The following CIT variants were observed in gnomAD, a reference collection of about 807,000 sequenced individuals.
CIT encodes citron Rho-interacting kinase.
A neutral mutation model predicts 272.7 loss-of-function variants in CIT; 79 were observed. The ratio of observed to expected loss-of-function variants is 0.29; its 90% CI spans 0.24 to 0.35. CIT has a LOEUF of 0.35. Ranked by LOEUF, CIT falls within the 10% of genes least tolerant of loss-of-function variation. The probability of loss-of-function intolerance (pLI) is 1.00; values close to 1 mark genes in which losing one functional copy is unlikely to be tolerated. For synonymous variants in CIT, 948 were observed against 995.6 expected (o/e 0.95, Z 0.90); for missense variants, 1,909 against 2,618.3 (o/e 0.73, Z 5.91).
chr12:119,734,468 ATG>A, intron 25 of CIT, 111 bp from the exon 26 acceptor site: 1 of 1,185,718 alleles, frequency 8.4e-7, no homozygotes, highest in Non-Finnish European at 1.2e-6. Flanking sequence ...ACAGTTTGAA[ATG>A]CGGTTTGTCT....
chr12:119,800,465 C>T (rs1166166177), intron 10 of CIT, among the ~76,000 whole-genome samples: 4 of 152,324 alleles, frequency 2.6e-5, no homozygotes, highest in East Asian at 3.9e-4. Flanking sequence ...TCCCAAAAAA[C>T]GAGGAGCTAT....
In CIT at chr12:119,694,697, G is replaced by A. The variant is rs889926220; in HGVS notation, c.5882+2962C>T. Among the ~76,000 whole-genome samples, 5 of 152,016 alleles carry A rather than the reference G, an allele frequency of 3.3e-5. No homozygotes were observed. The highest frequency in any genetic ancestry group is 5.9e-5 in the Non-Finnish European group (4 of 68,016). ...CGGGCGCCTGTAGTCCCAGCTACTC[G>A]GGGGGAGGCTGAAGTCGGGGGCTCT... On this transcript the variant is annotated intron_variant, in intron 46 of 47. Transcript: ENST00000392521. The surrounding 1 kb of genome is among the most constrained non-coding windows in gnomAD (Gnocchi z 4.5).
Position 119,730,508 on chromosome 12 carries a change from C to T in CIT, c.3473G>A (p.Ser1158Asn), listed in dbSNP as rs1958378070. 1 of 1,613,186 alleles carries T rather than the reference C, an allele frequency of 6.2e-7. No homozygotes were observed. The highest frequency in any genetic ancestry group is 8.5e-7 in the Non-Finnish European group (1 of 1,179,212). ...GTGGGCGCTGACCTTGTCAGAGAGG[C>T]TCTCGGCCTTCAGCTTCTGCTCTTT... The part of the protein sequence containing the change: ...ALKEQKLKAE[S>N]LSDKLNDLEK... Residue 1158 changes from serine (S) to asparagine (N), a missense_variant, in exon 27 of 48, where the codon AGC becomes AAC. Transcript: ENST00000392521.
chr12:119,746,044 G>A (rs943042148), intron 23 of CIT, among the ~76,000 whole-genome samples: 1 of 152,012 alleles, frequency 6.6e-6, no homozygotes, highest in African/African-American at 2.4e-5. Context: ...TAAGACTGTG[G>A]CTATCTGCAC....
chr12:119,869,061 C>T lies in CIT; in HGVS notation c.237G>A (p.Lys79=), dbSNP rs778717178. The change falls in exon 3 of 48, where the codon AAG becomes AAA. Residue 79 remains lysine (K), a splice_region_variant and synonymous_variant. Coordinates refer to ENST00000392521, the MANE Select transcript of CIT (RefSeq NM_001206999.2). ...CAAGAAAAAGTTCCCCAAACTTACA[C>T]TTCCGGACAAAGTTGCTCACGTGCT... ...KIKHVSNFVR[K]YSDTIAELQE... The T allele has an allele frequency of 6.2e-7, 1 of 1,609,994 alleles. No homozygotes were observed. The highest frequency in any genetic ancestry group is 1.7e-5 in the Admixed American group (1 of 58,158).
At chr12:119,812,039 G>A (rs187721770) in intron 9 of CIT, among the ~76,000 whole-genome samples, 11 of 149,184 alleles carry the variant, frequency 7.4e-5, no homozygotes, top group Non-Finnish European at 1.0e-4. Flanking sequence ...TCCACCTCCC[G>A]GGTTCAAGGA....
At chr12:119,791,322 A>G (rs1417171445) in intron 10 of CIT, among the ~76,000 whole-genome samples, 2 of 152,188 alleles carry the variant, frequency 1.3e-5, no homozygotes, top group African/African-American at 4.8e-5. Context: ...ATTCAGTGCT[A>G]AGAAGCTGAC....
At chr12:119,811,523 A>G (rs563975908) in intron 9 of CIT, among the ~76,000 whole-genome samples, 59 of 152,326 alleles carry the variant, frequency 3.9e-4, no homozygotes, top group African/African-American at 1.2e-3. Flanking sequence ...CCATCAATCA[A>G]TCTAAACAAT....
chr12:119,713,221 C>T lies in CIT; in HGVS notation c.4561G>A (p.Asp1521Asn), dbSNP rs1422584416. The T allele has an allele frequency of 6.2e-7, 1 of 1,613,818 alleles. No individual in the cohort carries two copies. ...AATTTACCTTCTCTGGCTTCATTGT[C>T]ATAAATGAGGACTTTTGATCCCTCC... ...VLEGSKVLIY[D>N]NEAREAGQRP... is the part of the protein sequence containing the mutation. The change falls in exon 35 of 48, where the codon GAC (aspartate) becomes AAC (asparagine). Residue 1521 changes from aspartate (D) to asparagine (N), a missense_variant. Physicochemically the swap from Asp to Asn is conservative, Grantham distance 23. This residue lies in a region of CIT where 780 missense variants were observed against 1,067.2 expected (regional missense o/e 0.73). Coordinates refer to ENST00000392521, the MANE Select transcript of CIT (RefSeq NM_001206999.2). This position sits in a 1 kb window ranked among gnomAD's most constrained non-coding sequence, Gnocchi z 5.2.
intron 43 of CIT, among the ~76,000 whole-genome samples, 176 bp downstream of exon 43, chr12:119,701,448 T>C (rs186403446): frequency 2.6e-3 from 402 of 152,270 alleles, no homozygotes; most frequent in Non-Finnish European, 4.3e-3. Flanking sequence ...ACCACGCTAG[T>C]ATCTGGTGAT....
chr12:119,813,879 T>A (rs1395226438), intron 9 of CIT, among the ~76,000 whole-genome samples: 1 of 152,154 alleles, frequency 6.6e-6, no homozygotes, highest in Non-Finnish European at 1.5e-5. Context: ...CAGGGCTCAG[T>A]ATTCAGAAAA....
rs1465444840 is a variant in CIT at position 119,710,119 on chromosome 12, C to T, written c.5071+132G>A. ...GGTCCATTAGCTGAGGCTTGGGCAT[C>T]TATGGGGACACAGAGATAAGAGCTA... is the stretch of plus-strand genomic sequence containing the variant. On this transcript the variant is annotated intron_variant, in intron 39 of 47. Transcript: ENST00000392521. The surrounding 1 kb of genome is among the most constrained non-coding windows in gnomAD (Gnocchi z 5.6). The T allele has an allele frequency of 1.0e-6, 1 of 995,582 alleles. No individual in the cohort carries two copies. The highest frequency in any genetic ancestry group is 2.4e-5 in the East Asian group (1 of 41,866). The allele number at this position is 995,582 out of a possible 1,614,324, so 61.7% of individuals were successfully genotyped here. A position where few individuals can be genotyped will look rare whatever the true frequency, so the allele number is the denominator to read the frequency against.
chr12:119,823,506 T>C (rs1184695895), intron 8 of CIT, among the ~76,000 whole-genome samples: 1 of 152,146 alleles, frequency 6.6e-6, no homozygotes, highest in Non-Finnish European at 1.5e-5. Flanking sequence ...GCACTCGTTA[T>C]TGAATGATTG....
chr12:119,733,451 T>A (rs1224804759), intron 26 of CIT, among the ~76,000 whole-genome samples: 2 of 146,942 alleles, frequency 1.4e-5, no homozygotes, highest in Admixed American at 1.4e-4. Context: ...GGAGAATTCC[T>A]CCCACCCTGG....
chr12:119,729,786 T>C lies in CIT; in HGVS notation c.3486+709A>G, dbSNP rs546393360. On this transcript the variant is annotated intron_variant, in intron 27 of 47. Coordinates refer to ENST00000392521, the MANE Select transcript of CIT (RefSeq NM_001206999.2). Reference sequence around the variant, plus strand: ...CATGAAATAACAAAGTTATAGAAAATATAAAATCAGATCGTTATTTTATTT... The same window carrying C: ...CATGAAATAACAAAGTTATAGAAAACATAAAATCAGATCGTTATTTTATTT... 7.9e-5 allele frequency among the ~76,000 whole-genome samples: 12 copies of C among 152,312 alleles called. No homozygotes were observed. The East Asian group carries it at 2.3e-3, about 29-fold the overall frequency.
At chr12:119,776,209 C>T in intron 15 of CIT, 149 bp downstream of exon 15, 1 of 710,600 alleles carries the variant, frequency 1.4e-6, no homozygotes, top group Non-Finnish European at 2.5e-6. Context: ...ATGTGGTCAC[C>T]CAAAGGTGGA....
rs1257504203 is a variant in CIT, at chr12:119,734,125, G to A, written c.3350+39C>T. The A allele has an allele frequency of 1.9e-6, 3 of 1,602,026 alleles. No individual in the cohort carries two copies. In the African/African-American group the frequency reaches 4.0e-5, roughly 22 times the overall value. The stretch of plus-strand genomic sequence containing the variant: ...CAACTCTCAGGCCGATCCTCCTGCG[G>A]TCACCTGTCATGAGCTTTCCACAAA... On this transcript the variant is annotated intron_variant, in intron 26 of 47. Transcript: ENST00000392521.
At chr12:119,688,898 C>T (rs534641540) in intron 47 of CIT, among the ~76,000 whole-genome samples, 8 of 152,206 alleles carry the variant, frequency 5.3e-5, no homozygotes, top group Admixed American at 2.6e-4. Context: ...TGGTGACTCA[C>T]GCCTGTAATC....
intron 3 of CIT, among the ~76,000 whole-genome samples, chr12:119,859,906 C>T (rs1037595204): frequency 6.6e-6 from 1 of 152,160 alleles, no homozygotes; most frequent in Non-Finnish European, 1.5e-5. Context: ...CCTCGAACTC[C>T]TGGACTCAAG....
Sources: gnomAD v4.1 joint callset for allele counts (sites outside exome capture counted in the v4.1 genomes callset) on GRCh38, gnomAD v4.1.1 for gene constraint, gnomAD v4.1.1 regional missense constraint, Gnocchi (gnomAD v3.1) non-coding constraint, MANE v1.5 for transcripts, NCBI Gene and HGNC (gene_info 2026-07-23, HGNC 2026-07-21) for gene names.